The following CDK14 variants were observed in gnomAD, a reference collection of about 807,000 sequenced individuals.
CDK14 encodes the protein cyclin-dependent kinase 14.
In CDK14, 34 loss-of-function variants were observed where a neutral mutation model predicts 60.7. The observed-to-expected ratio is 0.56, with a 90% CI of 0.43 to 0.75. The LOEUF (loss-of-function observed/expected upper bound fraction) is 0.75, where lower values mean the gene tolerates loss of function less well. CDK14 is among the 30% of genes least tolerant of loss of function. The pLI, the probability that CDK14 is intolerant of heterozygous loss-of-function variation, is 0.00. For synonymous variants in CDK14, 197 were observed against 203.7 expected (o/e 0.97, Z 0.28); for missense variants, 482 against 564.1 (o/e 0.85, Z 1.47).
Position 90,979,877 on chromosome 7 carries a change from A to G in CDK14, c.948-4271A>G, listed in dbSNP as rs1280080141. 6 of 152,264 alleles carry G rather than the reference A, an allele frequency of 3.9e-5. 1 individual carries two copies. Among genetic ancestry groups the G allele is most frequent in the Admixed American group, 3.9e-4 (6 of 15,290 alleles). 9.4% of individuals were successfully genotyped at this position (152,264 alleles called of 1,614,324 possible). On this transcript the variant is annotated intron_variant, in intron 9 of 14. Coordinates refer to ENST00000380050, the MANE Select transcript of CDK14 (RefSeq NM_001287135.2). ...TTTACTTTGTTTTCCTGAATGTCAGACTGTTTGTTGCATTTGTTACCTTTT... is the reference window on the plus strand; with the variant it reads ...TTTACTTTGTTTTCCTGAATGTCAGGCTGTTTGTTGCATTTGTTACCTTTT...
chr7:90,597,966 C>T (rs553627038), intron 1 of CDK14, among the ~76,000 whole-genome samples: 2 of 150,574 alleles, frequency 1.3e-5, no homozygotes, highest in Non-Finnish European at 2.9e-5. Flanking sequence ...ATATTAATTT[C>T]ACTCTTCAGA....
chr7:90,713,323 A>T (rs1802130263), intron 2 of CDK14, among the ~76,000 whole-genome samples: 1 of 151,948 alleles, frequency 6.6e-6, no homozygotes, highest in Non-Finnish European at 1.5e-5. Context: ...CATGCTTTTA[A>T]CTCACTATCC....
chr7:90,825,566 G>C (rs1214310292), intron 5 of CDK14, among the ~76,000 whole-genome samples: 1 of 152,160 alleles, frequency 6.6e-6, no homozygotes, highest in Non-Finnish European at 1.5e-5. Flanking sequence ...TGTGGTATAA[G>C]TAATGAAATT....
chr7:90,962,798 C>T (rs1043173839), intron 9 of CDK14, among the ~76,000 whole-genome samples: 3 of 151,934 alleles, frequency 2.0e-5, no homozygotes, highest in Non-Finnish European at 4.4e-5. Flanking sequence ...TTATTATAAC[C>T]CTTGGTGCAT....
intron 14 of CDK14, among the ~76,000 whole-genome samples, chr7:91,158,228 G>A (rs76866462): frequency 0.058 from 8,629 of 149,602 alleles, 360 homozygotes; most frequent in Admixed American, 0.14. Context: ...TATATATTTT[G>A]TATATATAAG....
intron 2 of CDK14, among the ~76,000 whole-genome samples, chr7:90,640,131 C>T (rs900833824): frequency 6.6e-6 from 1 of 152,102 alleles, no homozygotes; most frequent in African/African-American, 2.4e-5. Flanking sequence ...ACCCACTGTC[C>T]TGTGCCCACT....
chr7:91,146,312 C>T (rs570167429), intron 14 of CDK14, among the ~76,000 whole-genome samples: 4 of 152,192 alleles, frequency 2.6e-5, no homozygotes, highest in East Asian at 3.9e-4. Flanking sequence ...GTGATTCTCC[C>T]GCCTCAGCCT....
At chr7:90,851,526 G>A (rs904833336) in intron 5 of CDK14, among the ~76,000 whole-genome samples, 2 of 152,136 alleles carry the variant, frequency 1.3e-5, no homozygotes, top group Admixed American at 1.3e-4. Flanking sequence ...AAGGCAGGTT[G>A]TATGAGCAGG....
chr7:91,119,322 A>T (rs1367511309), intron 14 of CDK14, among the ~76,000 whole-genome samples: 2 of 152,132 alleles, frequency 1.3e-5, no homozygotes, highest in Non-Finnish European at 2.9e-5. Flanking sequence ...CTCTACAAAA[A>T]ATACAAAAAT....
At chr7:90,671,961 T>G (rs1027973736) in intron 2 of CDK14, among the ~76,000 whole-genome samples, 4 of 152,186 alleles carry the variant, frequency 2.6e-5, no homozygotes, top group African/African-American at 9.7e-5. Flanking sequence ...TGCCAGAACT[T>G]CAGGAATTGA....
chr7:90,991,824 G>A (rs1018252327), intron 10 of CDK14, among the ~76,000 whole-genome samples: 1 of 152,150 alleles, frequency 6.6e-6, no homozygotes, highest in Non-Finnish European at 1.5e-5. Flanking sequence ...GTGAAGGTGG[G>A]TATAGCCTCA....
intron 2 of CDK14, among the ~76,000 whole-genome samples, chr7:90,651,163 G>C (rs1800629876): frequency 6.6e-6 from 1 of 152,104 alleles, no homozygotes; most frequent in Non-Finnish European, 1.5e-5. Context: ...TCCTTGAAGA[G>C]GTCCTTCACA....
rs1554431005 is a variant in CDK14, at chr7:90,668,696, A to ATTATTTTTTTTTTTTT, written c.124-57869_124-57868insATTTTTTTTTTTTTTT. Reference sequence around the variant, plus strand: ...TTATATGGTGTAAGGAAGGACTCGCATTCTTTTTTTTTTTTTTTTTTTTTT... The same window carrying ATTATTTTTTTTTTTTT: ...TTATATGGTGTAAGGAAGGACTCGCATTATTTTTTTTTTTTTTTCTTTTTTTTTTTTTTTTTTTTTT... On this transcript the variant is annotated intron_variant, in intron 2 of 14. Coordinates refer to ENST00000380050, the MANE Select transcript of CDK14 (RefSeq NM_001287135.2). Among the ~76,000 whole-genome samples the ATTATTTTTTTTTTTTT allele has an allele frequency of 2.3e-3, 160 of 68,410 alleles. 4 individuals are homozygous for ATTATTTTTTTTTTTTT. Among genetic ancestry groups the ATTATTTTTTTTTTTTT allele is most frequent in the African/African-American group, 2.6e-3 (44 of 16,802 alleles). 44.9% of individuals were successfully genotyped at this position (68,410 alleles called of 152,430 possible).
chr7:90,699,735 G>A (rs374538748), intron 2 of CDK14, among the ~76,000 whole-genome samples: 6 of 152,304 alleles, frequency 3.9e-5, no homozygotes, highest in African/African-American at 1.4e-4. Context: ...GTGATTCCTT[G>A]CATTCAGGTG....
intron 2 of CDK14, among the ~76,000 whole-genome samples, chr7:90,660,893 G>A (rs1156574955): frequency 6.6e-6 from 1 of 152,176 alleles, no homozygotes; most frequent in African/African-American, 2.4e-5. Flanking sequence ...ACATGTCTCA[G>A]GTGAATGGAC....
chr7:90,863,121 A>G, intron 5 of CDK14, 54 bp from the exon 6 acceptor site: 2 of 936,012 alleles, frequency 2.1e-6, no homozygotes, highest in South Asian at 2.8e-5. Context: ...AATGGTATAT[A>G]TTAGTTGATT....
At chr7:90,788,986 G>T (rs1170651633) in intron 4 of CDK14, among the ~76,000 whole-genome samples, 1 of 152,222 alleles carries the variant, frequency 6.6e-6, no homozygotes, top group Admixed American at 6.5e-5. Flanking sequence ...ATTTATATTG[G>T]TATCCTCTAT....
At chr7:90,990,370 A>G (rs1562859109) in intron 10 of CDK14, among the ~76,000 whole-genome samples, 1 of 152,214 alleles carries the variant, frequency 6.6e-6, no homozygotes. Context: ...GTTAGGGTGA[A>G]GAACATTGAA....
intron 14 of CDK14, among the ~76,000 whole-genome samples, chr7:91,201,637 G>A (rs1354411086): frequency 1.3e-5 from 2 of 152,160 alleles, no homozygotes; most frequent in Non-Finnish European, 2.9e-5. Context: ...CACTGAGTGG[G>A]GGTCCTCAGC....
Sources: gnomAD v4.1 joint callset for allele counts (sites outside exome capture counted in the v4.1 genomes callset) on GRCh38, gnomAD v4.1.1 for gene constraint, MANE v1.5 for transcripts, NCBI Gene and HGNC (gene_info 2026-07-23, HGNC 2026-07-21) for gene names.